The following ACYP2 variants were observed in gnomAD, a reference collection of about 807,000 sequenced individuals.
ACYP2 encodes the protein acylphosphatase 2.
A neutral mutation model predicts 11.2 loss-of-function variants in ACYP2; 12 were observed. That is an observed-to-expected ratio of 1.08 (90% CI 0.69 to 1.74). The LOEUF is 1.74. Ranked by LOEUF, ACYP2 falls within the 40% of genes most tolerant of loss-of-function variation. The pLI is 0.00. For missense variants in ACYP2, 134 were observed against 101.9 expected, an observed-to-expected ratio of 1.31 and a Z score of -1.35; for synonymous variants, 43 against 32.2, an observed-to-expected ratio of 1.33 and a Z score of -1.13.
intron 6 of ACYP2, among the ~76,000 whole-genome samples, chr2:54,140,526 T>TCA (rs766271746): frequency 0.02 from 492 of 24,588 alleles, 5 homozygotes; most frequent in African/African-American, 0.067. Flanking sequence ...ACATTCTCTC[T>TCA]CTCACACACA....
intron 2 of ACYP2, among the ~76,000 whole-genome samples, chr2:54,003,321 G>A (rs573796924): frequency 2.6e-5 from 4 of 151,736 alleles, no homozygotes; most frequent in East Asian, 2.0e-4. Context: ...GTGCAATGGC[G>A]TGATCTTGGC....
chr2:54,096,139 G>A, intron 4 of ACYP2, among the ~76,000 whole-genome samples: 1 of 139,196 alleles, frequency 7.2e-6, no homozygotes, highest in East Asian at 2.2e-4. Flanking sequence ...GGGCGGAGGG[G>A]CTCCTCACTT....
intron 4 of ACYP2, among the ~76,000 whole-genome samples, chr2:54,123,894 C>T (rs963674038): frequency 6.6e-6 from 1 of 152,166 alleles, no homozygotes; most frequent in African/African-American, 2.4e-5. Context: ...TTGGCCATCC[C>T]CACTATAAGG....
chr2:54,252,115 A>G (rs998956071), intron 6 of ACYP2, among the ~76,000 whole-genome samples: 1 of 152,206 alleles, frequency 6.6e-6, no homozygotes, highest in African/African-American at 2.4e-5. Context: ...TCTGACTTCT[A>G]CCACCATAGA....
chr2:54,244,987 T>C (rs1446401206), intron 6 of ACYP2, among the ~76,000 whole-genome samples: 1 of 152,218 alleles, frequency 6.6e-6, no homozygotes, highest in Non-Finnish European at 1.5e-5. Flanking sequence ...ATTCTTCCTG[T>C]ACAGCTGTAA....
At chr2:54,261,478 C>G (rs1687774075) in intron 6 of ACYP2, among the ~76,000 whole-genome samples, 1 of 152,102 alleles carries the variant, frequency 6.6e-6, no homozygotes. Flanking sequence ...AATTTAGCCA[C>G]TAATCTGCAC....
chr2:54,081,717 T>G (rs531565234), intron 4 of ACYP2, among the ~76,000 whole-genome samples: 1 of 152,340 alleles, frequency 6.6e-6, no homozygotes, highest in East Asian at 1.9e-4. Context: ...TTTCATTAGG[T>G]ATCTGCTTTT....
chr2:54,241,251 T>C (rs1269620163), intron 6 of ACYP2, among the ~76,000 whole-genome samples: 1 of 152,240 alleles, frequency 6.6e-6, no homozygotes, highest in Non-Finnish European at 1.5e-5. Context: ...AAACTATTTA[T>C]AATATATGCC....
intron 2 of ACYP2, among the ~76,000 whole-genome samples, chr2:53,981,046 C>T (rs1024003976): frequency 8.5e-5 from 13 of 152,230 alleles, no homozygotes; most frequent in African/African-American, 2.6e-4. Flanking sequence ...GCCACCACAC[C>T]GGAACAGATG....
intron 6 of ACYP2, chr2:54,256,055 T>G (rs762001516): frequency 6.2e-7 from 1 of 1,614,168 alleles, no homozygotes; most frequent in East Asian, 2.2e-5. Flanking sequence ...ATTACCTCTG[T>G]CGCCTTGCTC....
At chr2:54,096,435 GC>G (rs1344141323) in intron 4 of ACYP2, among the ~76,000 whole-genome samples, 1 of 152,096 alleles carries the variant, frequency 6.6e-6, no homozygotes, top group Non-Finnish European at 1.5e-5. Flanking sequence ...CGGGGTGGCG[GC>G]CTGGCAGAGG....
At chr2:54,080,641 A>T (rs1677596622) in intron 4 of ACYP2, among the ~76,000 whole-genome samples, 1 of 152,242 alleles carries the variant, frequency 6.6e-6, no homozygotes, top group Admixed American at 6.5e-5. Flanking sequence ...GGCACCTGCC[A>T]CCATGCCCAG....
chr2:53,988,936 A>G (rs900232330), intron 2 of ACYP2, among the ~76,000 whole-genome samples: 19 of 151,652 alleles, frequency 1.3e-4, no homozygotes, highest in African/African-American at 4.4e-4. Context: ...TTTAGTAGAG[A>G]CGGGTTTTTG....
At chr2:54,151,458 C>T (rs747602962) in intron 6 of ACYP2, among the ~76,000 whole-genome samples, 4 of 152,194 alleles carry the variant, frequency 2.6e-5, no homozygotes, top group Non-Finnish European at 5.9e-5. Context: ...CTTTATTCAT[C>T]AAGTTCCTTT....
intron 1 of ACYP2, among the ~76,000 whole-genome samples, chr2:53,972,743 A>C (rs181301301): frequency 1.8e-4 from 28 of 152,358 alleles, no homozygotes; most frequent in African/African-American, 6.5e-4. Flanking sequence ...CTTCAGCAGA[A>C]TGGCTTGGGC....
intron 5 of ACYP2, 81 bp downstream of exon 2, chr2:54,135,550 T>C: frequency 8.3e-7 from 1 of 1,204,712 alleles, no homozygotes; most frequent in Non-Finnish European, 1.2e-6. Context: ...AGTTTTCTAC[T>C]TGGCGCTAGT....
chr2:53,977,340 T>C (rs993680725), intron 2 of ACYP2, among the ~76,000 whole-genome samples: 2 of 152,196 alleles, frequency 1.3e-5, no homozygotes, highest in African/African-American at 4.8e-5. Context: ...CCGCCGCGCC[T>C]GGCCAGGCCT....
At chr2:54,100,244 G>A (rs1678820125) in intron 4 of ACYP2, among the ~76,000 whole-genome samples, 1 of 150,002 alleles carries the variant, frequency 6.7e-6, no homozygotes, top group African/African-American at 2.5e-5. Context: ...TAGGGTCAGT[G>A]TTAGAACTCC....
intron 6 of ACYP2, among the ~76,000 whole-genome samples, chr2:54,238,106 A>G (rs1686575897): frequency 6.6e-6 from 1 of 152,206 alleles, no homozygotes; most frequent in South Asian, 2.1e-4. Flanking sequence ...ATGTGGCCTT[A>G]TCAGAGAGGC....
Sources: gnomAD v4.1 joint callset for allele counts (sites outside exome capture counted in the v4.1 genomes callset) on GRCh38, gnomAD v4.1.1 for gene constraint, MANE v1.5 for transcripts, NCBI Gene and HGNC (gene_info 2026-07-23, HGNC 2026-07-21) for gene names.